CEP350: variants seen among roughly 807,000 people sequenced by gnomAD.
CEP350 encodes centrosomal protein 350.
A neutral mutation model predicts 331.8 loss-of-function variants in CEP350; 126 were observed. The ratio of observed to expected loss-of-function variants is 0.38; its 90% confidence interval spans 0.33 to 0.44. The LOEUF is 0.44. CEP350 is among the 20% of genes least tolerant of loss of function. The pLI, the probability that CEP350 is intolerant of heterozygous loss-of-function variation, is 1.00. For synonymous variants in CEP350, 1,200 were observed against 1,259.5 expected (o/e 0.95, Z 1.00); for missense variants, 3,406 against 3,634.6 (o/e 0.94, Z 1.62).
intron 30 of CEP350, among the ~76,000 whole-genome samples, chr1:180,082,596 C>T (rs572342656): frequency 3.8e-4 from 58 of 152,012 alleles, no homozygotes; most frequent in Non-Finnish European, 1.2e-4. Flanking sequence ...ATTACAGGCA[C>T]GAACCAGTGC....
intron 8 of CEP350, among the ~76,000 whole-genome samples, chr1:180,007,839 C>CGTGTGT (rs71118426): frequency 0.19 from 26,126 of 140,726 alleles, 2,495 homozygotes; most frequent in South Asian, 0.26. Context: ...TTTTATGTAT[C>CGTGTGT]GTGTGTGTGT....
intron 22 of CEP350, chr1:180,052,166 A>C (rs1657546384): frequency 4.4e-6 from 2 of 452,800 alleles, no homozygotes; most frequent in Admixed American, 4.7e-5. Context: ...CAGTGATACA[A>C]CTGTAGTAAC....
Position 180,003,154 on chromosome 1 carries a change from G to C in CEP350, c.1019-20G>C, listed in dbSNP as rs185778774. On this transcript the variant is annotated intron_variant, in intron 6 of 37. Transcript: ENST00000367607. The stretch of plus-strand genomic sequence containing the variant: ...AAAGCAACTTTGATAAGAATATTCT[G>C]TGTTACTGGTATGTATTAGGTTTCA... The C allele has an allele frequency of 1.4e-6, 2 of 1,468,258 alleles. No homozygotes were observed. Among genetic ancestry groups the C allele is most frequent in the Admixed American group, 3.7e-5 (2 of 53,532 alleles). The allele number at this position is 1,468,258 out of a possible 1,614,324, so 91.0% of individuals were successfully genotyped here. A position where few individuals can be genotyped will look rare whatever the true frequency, so the allele number is the denominator to read the frequency against.
In CEP350 at chr1:180,084,103, G is replaced by T; in HGVS notation, c.6210G>T (p.Gln2070His). The change falls in exon 31 of 38, where the codon CAG becomes CAT. Residue 2070 changes from glutamine (Q) to histidine (H), a missense_variant. By Grantham distance (24) the Gln-to-His change is conservative (BLOSUM62 0). Around this residue, in one of 5 missense-constraint regions of CEP350, gnomAD observed 1,415 missense variants for 1,512.3 expected, o/e 0.94. Transcript: ENST00000367607. Reference sequence around the variant, plus strand: ...GGAAAAGAAAATCAGTTGTGAACCAGCTGAAGAAGGAACAGAAAAAAAGGC... The same window carrying T: ...GGAAAAGAAAATCAGTTGTGAACCATCTGAAGAAGGAACAGAAAAAAAGGC... The part of the protein sequence containing the change: ...ELRKRKSVVN[Q>H]LKKEQKKRQK... The T allele has an allele frequency of 2.5e-6, 4 of 1,593,942 alleles. No individual in the cohort carries two copies. Among genetic ancestry groups the T allele is most frequent in the Non-Finnish European group, 3.4e-6 (4 of 1,169,618 alleles).
At chr1:180,022,385 G>C (rs956806382) in intron 12 of CEP350, among the ~76,000 whole-genome samples, 5 of 152,076 alleles carry the variant, frequency 3.3e-5, no homozygotes, top group African/African-American at 1.2e-4. Context: ...AAATAGTCTG[G>C]GGGGTGGGAG....
chr1:179,992,232 AG>A lies in CEP350; in HGVS notation c.395+12del. ...TTTGGTTTCTTATAGGTTAGTATTG[AG>A]AAAAAAAAAAGGTATCAAATAGGTT... On this transcript the variant is annotated intron_variant, in intron 5 of 37. Coordinates refer to ENST00000367607, the MANE Select transcript of CEP350 (RefSeq NM_014810.5). 6.9e-7 allele frequency: 1 copy of A among 1,458,448 alleles called. No homozygotes were observed. The highest frequency in any genetic ancestry group is 9.0e-7 in the Non-Finnish European group (1 of 1,112,628). The allele number at this position is 1,458,448 out of a possible 1,614,324, so 90.3% of individuals were successfully genotyped here.
intron 8 of CEP350, among the ~76,000 whole-genome samples, chr1:180,008,094 G>A (rs1012585702): frequency 6.6e-6 from 1 of 151,872 alleles, no homozygotes; most frequent in Non-Finnish European, 1.5e-5. Flanking sequence ...CTATACAAGG[G>A]GATTGTTTCT....
chr1:180,030,864 A>T (rs1655980836), intron 14 of CEP350, among the ~76,000 whole-genome samples: 1 of 152,094 alleles, frequency 6.6e-6, no homozygotes, highest in African/African-American at 2.4e-5. Flanking sequence ...AAAATTATTG[A>T]GAGTCAGAGA....
At chr1:180,084,675 T>C (rs1242481235) in intron 31 of CEP350, among the ~76,000 whole-genome samples, 1 of 152,150 alleles carries the variant, frequency 6.6e-6, no homozygotes, top group Non-Finnish European at 1.5e-5. Context: ...AAACATTAAA[T>C]TTTAAATTTA....
At chr1:179,967,168 T>C (rs1651080924) in intron 1 of CEP350, among the ~76,000 whole-genome samples, 1 of 152,184 alleles carries the variant, frequency 6.6e-6, no homozygotes, top group Non-Finnish European at 1.5e-5. Context: ...TTAAATGTTA[T>C]AGAGCAATAA....
At chr1:179,961,470 G>A (rs911362040) in intron 1 of CEP350, among the ~76,000 whole-genome samples, 1 of 151,720 alleles carries the variant, frequency 6.6e-6, no homozygotes, top group African/African-American at 2.4e-5. Flanking sequence ...ATAAAATAAA[G>A]CGCTCACTAC....
Position 180,062,314 on chromosome 1 carries a change from A to C in CEP350, c.5357A>C (p.Gln1786Pro). The stretch of plus-strand genomic sequence containing the variant: ...CAGGAGGAGATAGAAAAGATCCGAC[A>C]GACCACCATAAAACTACAGGAGAAA... ...KQQEEIEKIRQTTIKLQEKLK... is the reference protein window; with the variant it reads ...KQQEEIEKIRPTTIKLQEKLK... Residue 1786 changes from glutamine to proline, a missense_variant, in exon 26 of 38, where the codon CAG (glutamine) becomes CCG (proline). Gln to Pro is a moderately conservative substitution (Grantham distance 76, BLOSUM62 -1). This residue lies in a region of CEP350 where 1,415 missense variants were observed against 1,512.3 expected (regional missense o/e 0.94). Transcript: ENST00000367607. 6.2e-7 allele frequency: 1 copy of C among 1,611,078 alleles called. No individual in the cohort carries two copies. The highest frequency in any genetic ancestry group is 8.5e-7 in the Non-Finnish European group (1 of 1,178,402).
In CEP350 at chr1:180,095,924, C is replaced by T. The variant is rs1341913010; in HGVS notation, c.8913C>T (p.Tyr2971=). 2 of 1,595,224 alleles carry T rather than the reference C, an allele frequency of 1.3e-6. No homozygotes were observed. Among genetic ancestry groups the T allele is most frequent in the Non-Finnish European group, 1.7e-6 (2 of 1,172,210 alleles). ...TAGAAAGCACTAGTAAAAGGGTCTA[C>T]AAACAGGTAGGTGAAATAAAAGGAT... ...LDIESTSKRV[Y]KQAVFDLTKE... The change falls in exon 35 of 38, where the codon TAC becomes TAT. Residue 2971 remains tyrosine (Y), a synonymous_variant. Transcript: ENST00000367607.
rs138033359 is a variant in CEP350, at chr1:180,020,425, A to G, written c.2651A>G (p.Asp884Gly). 1.9e-6 allele frequency: 3 copies of G among 1,613,814 alleles called. No homozygotes were observed. The highest frequency in any genetic ancestry group is 4.5e-5 in the East Asian group (2 of 44,902). The change falls in exon 12 of 38, where the codon GAT becomes GGT. Residue 884 changes from aspartate to glycine, a missense_variant. Transcript: ENST00000367607. ...GCTGTAACTCCACCTGTGAAAGATG[A>G]TAATGAAGATGTTTTCTCTGCCAGA... is the stretch of plus-strand genomic sequence containing the variant. ...TKAVTPPVKDDNEDVFSARIQ... is the reference protein window; with the variant it reads ...TKAVTPPVKDGNEDVFSARIQ...
chr1:180,006,794 T>C (rs1189433549), intron 8 of CEP350, among the ~76,000 whole-genome samples: 3 of 152,140 alleles, frequency 2.0e-5, no homozygotes, highest in African/African-American at 7.2e-5. Flanking sequence ...TGTGTGATGT[T>C]CCCCTTCCTG....
At position 179,966,330 on chromosome 1, in the gene CEP350, T is replaced by C. The variant is rs553115438; in HGVS notation, c.-14+11188T>C. On this transcript the variant is annotated intron_variant, in intron 1 of 37. Coordinates refer to ENST00000367607, the MANE Select transcript of CEP350 (RefSeq NM_014810.5). ...GAGCCCTCATTTTCAAATGTACTTC[T>C]TAAAGTGCAGTGTTCATTTGGAATG... 4.7e-4 allele frequency among the ~76,000 whole-genome samples: 72 copies of C among 152,310 alleles called. 1 individual carries two copies. Among genetic ancestry groups the C allele is most frequent in the African/African-American group, 1.7e-3 (71 of 41,566 alleles).
chr1:179,960,517 A>T (rs896227184), intron 1 of CEP350, among the ~76,000 whole-genome samples: 1 of 152,136 alleles, frequency 6.6e-6, no homozygotes, highest in Non-Finnish European at 1.5e-5. Context: ...TAGCTGTGGG[A>T]TATTTGACAT....
intron 17 of CEP350, among the ~76,000 whole-genome samples, chr1:180,039,199 G>T (rs1334650360): frequency 1.4e-5 from 2 of 145,476 alleles, no homozygotes; most frequent in Admixed American, 7.1e-5. Context: ...GGCAGAGGTT[G>T]CAGTAAGCCA....
At chr1:179,988,192 G>A (rs113598438) in intron 3 of CEP350, among the ~76,000 whole-genome samples, 2,542 of 151,960 alleles carry the variant, frequency 0.017, 73 homozygotes, top group African/African-American at 0.058. Flanking sequence ...AGCCACTCGG[G>A]AGGCTGAGGT....
Sources: gnomAD v4.1 joint callset for allele counts (sites outside exome capture counted in the v4.1 genomes callset) on GRCh38, gnomAD v4.1.1 for gene constraint, gnomAD v4.1.1 regional missense constraint, MANE v1.5 for transcripts, NCBI Gene and HGNC (gene_info 2026-07-23, HGNC 2026-07-21) for gene names.